The following ASIC2 variants were observed in gnomAD, a reference collection of about 807,000 sequenced individuals.
ASIC2 encodes the protein acid-sensing ion channel 2.
A neutral mutation model predicts 57.3 loss-of-function variants in ASIC2; 25 were observed. That is an observed-to-expected ratio of 0.44 (90% CI 0.32 to 0.61). The LOEUF is 0.61. Among genes scored for constraint, ASIC2 ranks in the 20% least tolerant of loss-of-function variants. The pLI is 0.06. For synonymous variants in ASIC2, 319 were observed against 307.5 expected (o/e 1.04, Z -0.39); for missense variants, 641 against 738.1 (o/e 0.87, Z 1.52).
intron 1 of ASIC2, among the ~76,000 whole-genome samples, chr17:33,870,263 T>C (rs1914366338): frequency 2.5e-5 from 3 of 122,120 alleles, no homozygotes; most frequent in African/African-American, 9.4e-5. Flanking sequence ...GTCTAAGCAC[T>C]TCATCAAAGG....
chr17:33,136,348 TACAC>T (rs1215742166), intron 1 of ASIC2, among the ~76,000 whole-genome samples: 16 of 152,302 alleles, frequency 1.1e-4, no homozygotes, highest in African/African-American at 3.8e-4. Flanking sequence ...TCTAGAAAAA[TACAC>T]ACAATAAAAC....
chr17:33,041,544 C>T (rs2091929817), intron 3 of ASIC2, among the ~76,000 whole-genome samples: 1 of 152,212 alleles, frequency 6.6e-6, no homozygotes, highest in Non-Finnish European at 1.5e-5. Flanking sequence ...CCTACTTTCT[C>T]CCAGCCCCAG....
intron 1 of ASIC2, among the ~76,000 whole-genome samples, chr17:33,301,026 A>G (rs1414725975): frequency 1.0e-5 from 1 of 95,746 alleles, no homozygotes; most frequent in African/African-American, 4.6e-5. Flanking sequence ...TTATTTATTT[A>G]TTTATTTATT....
At chr17:33,163,553 C>T (rs926542061) in intron 1 of ASIC2, among the ~76,000 whole-genome samples, 8 of 152,098 alleles carry the variant, frequency 5.3e-5, no homozygotes, top group East Asian at 1.9e-4. Context: ...GCCAGGCATA[C>T]GATGCCAAGT....
At chr17:33,198,873 G>A (rs1906744760) in intron 1 of ASIC2, among the ~76,000 whole-genome samples, 1 of 152,170 alleles carries the variant, frequency 6.6e-6, no homozygotes, top group Non-Finnish European at 1.5e-5. Context: ...TGAATTCAGG[G>A]ATCAGGCCTT....
At chr17:33,423,099 C>T (rs1471848131) in intron 1 of ASIC2, among the ~76,000 whole-genome samples, 1 of 152,078 alleles carries the variant, frequency 6.6e-6, no homozygotes, top group East Asian at 1.9e-4. Context: ...GGGGCTCGCA[C>T]CAGCATGGAT....
At chr17:33,815,783 G>A (rs1912560261) in intron 1 of ASIC2, among the ~76,000 whole-genome samples, 4 of 152,190 alleles carry the variant, frequency 2.6e-5, no homozygotes, top group African/African-American at 9.7e-5. Flanking sequence ...AGCTGGAAGT[G>A]TTCCTAGAAT....
chr17:33,734,594 C>A (rs538844431), intron 1 of ASIC2, among the ~76,000 whole-genome samples: 20 of 152,296 alleles, frequency 1.3e-4, no homozygotes, highest in Middle Eastern at 6.8e-3. Flanking sequence ...ATGTTGAAGC[C>A]CTCACCCCCA....
intron 1 of ASIC2, among the ~76,000 whole-genome samples, chr17:33,332,987 C>G (rs1039932956): frequency 1.3e-5 from 2 of 152,170 alleles, no homozygotes; most frequent in African/African-American, 2.4e-5. Flanking sequence ...ATTTTTCTGG[C>G]CTTCCAGGTG....
intron 1 of ASIC2, chr17:34,078,881 C>G (rs1037673316): frequency 2.0e-5 from 3 of 152,216 alleles, no homozygotes; most frequent in Admixed American, 1.3e-4. Flanking sequence ...AAAAGTCCCC[C>G]AAGTTCTCCT....
chr17:33,318,733 C>T (rs1906753459), intron 1 of ASIC2, among the ~76,000 whole-genome samples: 1 of 152,162 alleles, frequency 6.6e-6, no homozygotes, highest in Admixed American at 6.5e-5. Context: ...GTGTGTAAGG[C>T]ACCCTGGGGA....
chr17:33,473,158 G>A (rs1323967699), intron 1 of ASIC2, among the ~76,000 whole-genome samples: 1 of 152,252 alleles, frequency 6.6e-6, no homozygotes, highest in East Asian at 1.9e-4. Context: ...TGAGCAGGAA[G>A]GATCTGATTC....
intron 1 of ASIC2, among the ~76,000 whole-genome samples, chr17:33,283,488 G>A (rs911587169): frequency 1.3e-5 from 2 of 152,158 alleles, no homozygotes; most frequent in Admixed American, 6.5e-5. Context: ...CTTTGCAACC[G>A]TCCATTGCCA....
intron 1 of ASIC2, among the ~76,000 whole-genome samples, chr17:33,489,151 T>A (rs987824482): frequency 1.3e-5 from 2 of 151,890 alleles, no homozygotes; most frequent in Admixed American, 1.3e-4. Context: ...TCCTTGGACA[T>A]GGGCATCTTG....
chr17:33,585,852 G>A (rs1904612082), intron 1 of ASIC2, among the ~76,000 whole-genome samples: 4 of 152,072 alleles, frequency 2.6e-5, no homozygotes, highest in Admixed American at 2.6e-4. Flanking sequence ...TTACATATAT[G>A]TCTTGAAAGC....
rs1404031791 is a variant in ASIC2 at position 33,974,643 on chromosome 17, T to TCCATCCAA, written c.555+181334_555+181335insTTGGATGG. On this transcript the variant is annotated intron_variant, in intron 1 of 9. Coordinates refer to the ASIC2 transcript ENST00000359872. ...ATCCATCCATCCATCCATCCATCCA[T>TCCATCCAA]CCATAGAGCCCTGCCACAAAGACAG... Among the ~76,000 whole-genome samples the TCCATCCAA allele has an allele frequency of 3.1e-4, 47 of 150,512 alleles. No homozygotes were observed. The South Asian group carries it at 9.3e-3, about 30-fold the overall frequency.
At chr17:33,736,590 C>G (rs1357131067) in intron 1 of ASIC2, among the ~76,000 whole-genome samples, 1 of 152,086 alleles carries the variant, frequency 6.6e-6, no homozygotes, top group Non-Finnish European at 1.5e-5. Flanking sequence ...TTCACTGACT[C>G]TTTTTGTTTT....
intron 1 of ASIC2, among the ~76,000 whole-genome samples, chr17:33,544,197 G>A (rs1256240539): frequency 6.6e-6 from 1 of 152,150 alleles, no homozygotes; most frequent in African/African-American, 2.4e-5. Context: ...CATCCATGTG[G>A]TCGCCTGTGT....
intron 1 of ASIC2, among the ~76,000 whole-genome samples, chr17:33,773,058 G>A (rs144017386): frequency 1.6e-3 from 236 of 152,214 alleles, no homozygotes; most frequent in African/African-American, 5.3e-3. Flanking sequence ...ACATATTCAC[G>A]GCCATCTGAC....
Sources: gnomAD v4.1 joint callset for allele counts (sites outside exome capture counted in the v4.1 genomes callset) on GRCh38, gnomAD v4.1.1 for gene constraint, MANE v1.5 for transcripts, NCBI Gene and HGNC (gene_info 2026-07-23, HGNC 2026-07-21) for gene names.